HIVEP3: variants seen among roughly 807,000 people sequenced by gnomAD.
The protein encoded by HIVEP3 is transcription factor HIVEP3.
HIVEP3 carries 49 observed loss-of-function variants against 152.8 expected under a neutral mutation model. The ratio of observed to expected loss-of-function variants is 0.32; its 90% confidence interval spans 0.26 to 0.41. The LOEUF (loss-of-function observed/expected upper bound fraction) is 0.41. Ranked by LOEUF, HIVEP3 falls within the 10% of genes least tolerant of loss-of-function variation. The pLI, the probability that HIVEP3 is intolerant of heterozygous loss-of-function variation, is 1.00. For synonymous variants in HIVEP3, 1,269 were observed against 1,289.0 expected (o/e 0.98, Z 0.33); for missense variants, 2,790 against 3,103.3 (o/e 0.90, Z 2.40).
At chr1:41,792,169 G>A (rs1649737420) in intron 1 of HIVEP3, among the ~76,000 whole-genome samples, 1 of 152,168 alleles carries the variant, frequency 6.6e-6, no homozygotes, top group African/African-American at 2.4e-5. Context: ...AATCATCTTT[G>A]TCTCCAGCAT....
chr1:41,902,602 G>A (rs954469080), intron 1 of HIVEP3, among the ~76,000 whole-genome samples: 3 of 152,220 alleles, frequency 2.0e-5, no homozygotes, highest in African/African-American at 7.2e-5. Flanking sequence ...CTTTGAAGAA[G>A]GCGATGGGGC....
In HIVEP3 at chr1:41,662,204, G is replaced by A. The variant is rs932852277; in HGVS notation, c.-720-33257C>T. 1 of 146,462 alleles carries A rather than the reference G, an allele frequency of 6.8e-6. No individual in the cohort carries two copies. The highest frequency in any genetic ancestry group is 1.5e-5 in the Non-Finnish European group (1 of 65,886). 9.1% of individuals were successfully genotyped at this position (146,462 alleles called of 1,614,324 possible). On this transcript the variant is annotated intron_variant, in intron 2 of 8. Transcript: ENST00000372583. This position sits in a 1 kb window ranked among gnomAD's most constrained non-coding sequence, Gnocchi z 7.2. Reference sequence around the variant, plus strand: ...GCTGGACTGGGCTGCGCTGGGCTGCGCGCCCGGCCTCCGCGCGGCTCGGCA... The same window carrying A: ...GCTGGACTGGGCTGCGCTGGGCTGCACGCCCGGCCTCCGCGCGGCTCGGCA...
rs567169853 is a variant in HIVEP3 at position 41,945,423 on chromosome 1, T to C, written n.120-26899A>G. ...TTCTCAGATAACCCTGATGGCTATATTGATGTTTTACAAGGGTTAGGACAA... is the reference window on the plus strand; with the variant it reads ...TTCTCAGATAACCCTGATGGCTATACTGATGTTTTACAAGGGTTAGGACAA... On this transcript the variant is annotated intron_variant and non_coding_transcript_variant, in intron 1 of 3. Transcript: ENST00000489103. 1.2e-4 allele frequency among the ~76,000 whole-genome samples: 19 copies of C among 152,336 alleles called. No individual in the cohort carries two copies. The South Asian group carries it at 3.1e-3, about 25-fold the overall frequency.
At chr1:41,965,835 A>G (rs1645194516) in intron 1 of HIVEP3, among the ~76,000 whole-genome samples, 1 of 152,224 alleles carries the variant, frequency 6.6e-6, no homozygotes, top group Non-Finnish European at 1.5e-5. Context: ...AACTTCCCCA[A>G]TCTAGCAAGA....
chr1:41,555,611 C>T (rs1643954461), intron 5 of HIVEP3, among the ~76,000 whole-genome samples: 1 of 152,204 alleles, frequency 6.6e-6, no homozygotes, highest in Non-Finnish European at 1.5e-5. Flanking sequence ...CACAGCTGTT[C>T]CTATTTGGCC....
intron 1 of HIVEP3, among the ~76,000 whole-genome samples, chr1:41,845,487 C>T (rs558247598): frequency 4.0e-5 from 6 of 151,490 alleles, no homozygotes; most frequent in African/African-American, 1.5e-4. Context: ...CTCTCTTCTT[C>T]ACCTATACCC....
At chr1:41,967,845 T>C (rs991643560) in intron 1 of HIVEP3, among the ~76,000 whole-genome samples, 8 of 151,894 alleles carry the variant, frequency 5.3e-5, no homozygotes, top group African/African-American at 1.7e-4. Flanking sequence ...ACAGTAAAAA[T>C]TGATAAAGGG....
At chr1:41,650,034 C>T (rs1004976439) in intron 2 of HIVEP3, among the ~76,000 whole-genome samples, 1 of 151,956 alleles carries the variant, frequency 6.6e-6, no homozygotes, top group African/African-American at 2.4e-5. Context: ...AACAAACCGG[C>T]AAGCAGAAAT....
At chr1:41,668,218 C>G (rs1470986102) in intron 2 of HIVEP3, among the ~76,000 whole-genome samples, 1 of 152,238 alleles carries the variant, frequency 6.6e-6, no homozygotes, top group Admixed American at 6.5e-5. Context: ...ATCCTGTGCT[C>G]AGGCAGCTCA....
At chr1:41,775,539 G>A (rs979971034) in intron 1 of HIVEP3, among the ~76,000 whole-genome samples, 6 of 152,126 alleles carry the variant, frequency 3.9e-5, no homozygotes, top group African/African-American at 9.7e-5. Context: ...CGCCCAGGCT[G>A]GAGTGCAGTG....
intron 1 of HIVEP3, among the ~76,000 whole-genome samples, chr1:42,002,665 G>A (rs923669509): frequency 2.0e-5 from 3 of 152,194 alleles, no homozygotes; most frequent in African/African-American, 7.2e-5. Context: ...CATGGCTTAG[G>A]GGACTCCAGA....
intron 1 of HIVEP3, among the ~76,000 whole-genome samples, chr1:41,947,623 C>T (rs540899585): frequency 3.6e-4 from 55 of 152,300 alleles, no homozygotes; most frequent in Non-Finnish European, 7.3e-4. Flanking sequence ...CTAAAGAAGG[C>T]CCTAACCCAA....
At chr1:41,608,858 G>A (rs1644857998) in intron 3 of HIVEP3, among the ~76,000 whole-genome samples, 1 of 151,074 alleles carries the variant, frequency 6.6e-6, no homozygotes, top group South Asian at 2.1e-4. Flanking sequence ...GATCACTTGA[G>A]GTCAGGAGTT....
chr1:41,859,249 T>C (rs1643853050), intron 1 of HIVEP3, among the ~76,000 whole-genome samples: 1 of 152,066 alleles, frequency 6.6e-6, no homozygotes. Flanking sequence ...CGAACCAGAG[T>C]AGCTGGCACC....
intron 1 of HIVEP3, among the ~76,000 whole-genome samples, chr1:41,876,230 A>G (rs1644168875): frequency 6.6e-6 from 1 of 151,946 alleles, no homozygotes; most frequent in South Asian, 2.1e-4. Flanking sequence ...TTTTGAGTCT[A>G]TGATATCCCA....
At chr1:41,691,065 TAG>T (rs1220324577) in intron 2 of HIVEP3, among the ~76,000 whole-genome samples, 2 of 152,240 alleles carry the variant, frequency 1.3e-5, no homozygotes, top group African/African-American at 4.8e-5. Context: ...GGGATAATAC[TAG>T]AGTCTATCTC....
intron 1 of HIVEP3, among the ~76,000 whole-genome samples, chr1:41,820,428 T>C (rs983318362): frequency 6.6e-6 from 1 of 152,046 alleles, no homozygotes; most frequent in Non-Finnish European, 1.5e-5. Flanking sequence ...ACCTCTTATA[T>C]TAATACATGT....
intron 1 of HIVEP3, among the ~76,000 whole-genome samples, chr1:41,864,257 AT>A (rs537051117): frequency 1.1e-3 from 174 of 152,248 alleles, no homozygotes; most frequent in Non-Finnish European, 2.0e-3. Context: ...AACCATTCAC[AT>A]TTGGGTGTGC....
At chr1:41,735,801 C>T (rs1260580363) in intron 1 of HIVEP3, among the ~76,000 whole-genome samples, 1 of 152,164 alleles carries the variant, frequency 6.6e-6, no homozygotes, top group East Asian at 1.9e-4. Context: ...ACAAAGCCGC[C>T]TCTCGATCTT....
Sources: gnomAD v4.1 joint callset for allele counts (sites outside exome capture counted in the v4.1 genomes callset) on GRCh38, gnomAD v4.1.1 for gene constraint, Gnocchi (gnomAD v3.1) non-coding constraint, MANE v1.5 for transcripts, NCBI Gene and HGNC (gene_info 2026-07-23, HGNC 2026-07-21) for gene names.